The following BST1 variants were observed in gnomAD, a reference collection of about 807,000 sequenced individuals.
The protein encoded by BST1 is ADP-ribosyl cyclase/cyclic ADP-ribose hydrolase 2.
In BST1, 49 loss-of-function variants were observed where a neutral mutation model predicts 40.6. That is an observed-to-expected ratio of 1.21 (90% confidence interval 0.96 to 1.53). The LOEUF (loss-of-function observed/expected upper bound fraction) is 1.53, where lower values mean the gene tolerates loss of function less well. Among genes scored for constraint, BST1 ranks in the 40% most tolerant of loss-of-function variants. The pLI is 0.00. For missense variants in BST1, 423 were observed against 395.9 expected, an observed-to-expected ratio of 1.07 and a Z score of -0.58; for synonymous variants, 157 against 159.3, an observed-to-expected ratio of 0.99 and a Z score of 0.11.
chr4:15,731,749 C>T lies in BST1; in HGVS notation c.861C>T (p.Ala287=), dbSNP rs1206071832. The change falls in exon 9 of 9, where the codon GCC becomes GCT. Residue 287 remains alanine, a synonymous_variant. Coordinates refer to ENST00000265016, the MANE Select transcript of BST1 (RefSeq NM_004334.3). ...HPDCALKSAA[A]ATQRKAPSLY... ...CCTTGTTAATTTGCAGGGCAGCAGC[C>T]GCTACTCAAAGAAAAGCCCCAAGTC... is the stretch of plus-strand genomic sequence containing the variant. The T allele has an allele frequency of 4.3e-6, 7 of 1,612,360 alleles. No homozygotes were observed. In the Admixed American group the frequency reaches 5.0e-5, roughly 12 times the overall value.
At chr4:15,770,779 A>G in the BST1 span, among the ~76,000 whole-genome samples, 2 of 152,186 alleles carry the variant, frequency 1.3e-5, no homozygotes, top group African/African-American at 4.8e-5. Context: ...CTGCAATATT[A>G]ATGCTTATTT....
chr4:15,733,070 G>A (rs1256450226), downstream of BST1, among the ~76,000 whole-genome samples: 1 of 152,160 alleles, frequency 6.6e-6, no homozygotes. Context: ...ATTGTGAAGA[G>A]CGAAAAAACA....
chr4:15,738,768 A>G (rs190617011), downstream of BST1, among the ~76,000 whole-genome samples: 8 of 152,320 alleles, frequency 5.3e-5, no homozygotes, highest in South Asian at 6.2e-4. Flanking sequence ...CAAAGTAAAG[A>G]CTAGAAGCAG....
intron 3 of BST1, among the ~76,000 whole-genome samples, chr4:15,710,243 G>C (rs1720117604): frequency 1.3e-5 from 2 of 151,872 alleles, no homozygotes; most frequent in South Asian, 4.2e-4. Flanking sequence ...CAAAGCACTG[G>C]CATTACAGGC....
downstream of BST1, chr4:15,738,438 G>C (rs552078435): frequency 6.6e-6 from 1 of 152,384 alleles, no homozygotes; most frequent in Admixed American, 6.5e-5. Flanking sequence ...CATTCACAAA[G>C]ACCGGAGAAT....
At chr4:15,703,830 GTC>G (rs1719704825) in intron 1 of BST1, among the ~76,000 whole-genome samples, 1 of 144,556 alleles carries the variant, frequency 6.9e-6, no homozygotes, top group African/African-American at 2.6e-5. Flanking sequence ...GAGGTGAGGT[GTC>G]TGTATGTGTG....
the BST1 span, among the ~76,000 whole-genome samples, chr4:15,753,332 T>G: frequency 6.6e-6 from 1 of 152,112 alleles, no homozygotes; most frequent in Non-Finnish European, 1.5e-5. Flanking sequence ...TGGGAGGGAT[T>G]TTTTCAGATA....
chr4:15,719,034 G>A (rs1720663265), intron 7 of BST1, 41 bp downstream of exon 7: 1 of 1,578,536 alleles, frequency 6.3e-7, no homozygotes, highest in Non-Finnish European at 8.7e-7. Flanking sequence ...TAGAGGTGGT[G>A]TATGATTTTG....
the BST1 span, among the ~76,000 whole-genome samples, chr4:15,766,190 A>C: frequency 3.0e-4 from 45 of 151,950 alleles, 1 homozygote. Context: ...ACTGTCCCAA[A>C]AAATCAGGAA....
At chr4:15,711,981 C>G in intron 4 of BST1, 92 bp downstream of exon 4, 8 of 1,030,250 alleles carry the variant, frequency 7.8e-6, no homozygotes, top group African/African-American at 1.6e-5. Flanking sequence ...CAGGTCATCA[C>G]TCAACTTCTC....
chr4:15,737,653 A>G (rs12646913), downstream of BST1: 37,784 of 475,442 alleles, frequency 0.079, 1,860 homozygotes, highest in African/African-American at 0.16. Context: ...ACCCCTGAGC[A>G]CAAGGACTGG....
the BST1 span, among the ~76,000 whole-genome samples, chr4:15,755,546 C>T: frequency 6.6e-6 from 1 of 152,164 alleles, no homozygotes; most frequent in African/African-American, 2.4e-5. Context: ...GTCAGTGAGT[C>T]AAAGAGTAAA....
intron 2 of BST1, among the ~76,000 whole-genome samples, chr4:15,706,434 T>A (rs1333703984): frequency 6.6e-6 from 1 of 152,202 alleles, no homozygotes; most frequent in Non-Finnish European, 1.5e-5. Context: ...ATTTAACGGG[T>A]CTTAAGATTA....
chr4:15,715,503 G>T, intron 5 of BST1, 142 bp downstream of exon 5: 1 of 915,726 alleles, frequency 1.1e-6, no homozygotes, highest in Non-Finnish European at 1.7e-6. Flanking sequence ...ACAGATGAAT[G>T]ACCTGGTGAT....
chr4:15,707,422 G>A (rs1159096119), intron 2 of BST1, 89 bp from the exon 3 acceptor site: 2 of 1,517,534 alleles, frequency 1.3e-6, no homozygotes, highest in Non-Finnish European at 1.8e-6. Flanking sequence ...ATGAGAACTG[G>A]ATTGCCCAAC....
the BST1 span, among the ~76,000 whole-genome samples, chr4:15,756,261 G>C: frequency 1.3e-5 from 2 of 152,142 alleles, no homozygotes; most frequent in Non-Finnish European, 2.9e-5. Context: ...GTCTTTTAAA[G>C]GGTCTTGAAA....
At chr4:15,761,322 G>C in the BST1 span, among the ~76,000 whole-genome samples, 13 of 151,996 alleles carry the variant, frequency 8.6e-5, no homozygotes, top group Non-Finnish European at 1.6e-4. Flanking sequence ...TAGCTGTACA[G>C]TTCTGGGAAA....
At position 15,722,882 on chromosome 4, in the gene BST1, A is replaced by G; in HGVS notation, c.799A>G (p.Lys267Glu). 1 of 1,613,120 alleles carries G rather than the reference A, an allele frequency of 6.2e-7. No individual in the cohort carries two copies. Among genetic ancestry groups the G allele is most frequent in the Non-Finnish European group, 8.5e-7 (1 of 1,179,260 alleles). Residue 267 changes from lysine to glutamate, a missense_variant, in exon 8 of 9, where the codon AAG (lysine) becomes GAG (glutamate). Lys to Glu is a moderately conservative substitution (Grantham distance 56). Coordinates refer to ENST00000265016, the MANE Select transcript of BST1 (RefSeq NM_004334.3). ...YSCINDYRPV[K>E]LLQCVDHSTH... is the part of the protein sequence containing the mutation. The stretch of plus-strand genomic sequence containing the variant: ...ATTATTTTCTTTCTGTAGACCAGTG[A>G]AGCTCTTACAGTGCGTGGACCACAG...
At chr4:15,743,033 A>T (rs1721781935), downstream of BST1, among the ~76,000 whole-genome samples, 1 of 152,212 alleles carries the variant, frequency 6.6e-6, no homozygotes, top group Non-Finnish European at 1.5e-5. Context: ...TTTTGAAATT[A>T]ATTTTTCCTT....
Sources: allele counts gnomAD v4.1 joint callset (sites outside exome capture counted in the v4.1 genomes callset), GRCh38; gene constraint gnomAD v4.1.1; transcripts MANE v1.5; gene names NCBI Gene and HGNC (gene_info 2026-07-23, HGNC 2026-07-21).